The following DENND1A variants were observed in gnomAD, a reference collection of about 807,000 sequenced individuals.
DENND1A encodes DENN domain containing 1A, also known as DENN domain-containing protein 1A.
Under a neutral mutation model 113.7 loss-of-function variants are expected in DENND1A, and 51 were observed. The observed-to-expected ratio is 0.45, with a 90% CI of 0.36 to 0.57. The LOEUF is 0.57. Among genes scored for constraint, DENND1A ranks in the 20% least tolerant of loss-of-function variants. The probability of loss-of-function intolerance (pLI) is 0.00; values close to 1 mark genes in which losing one functional copy is unlikely to be tolerated. For missense variants in DENND1A, 1,258 were observed against 1,395.9 expected, an observed-to-expected ratio of 0.90 and a Z score of 1.57; for synonymous variants, 565 against 570.8, an observed-to-expected ratio of 0.99 and a Z score of 0.14.
chr9:123,859,796 T>G (rs1273347801), intron 2 of DENND1A, among the ~76,000 whole-genome samples: 48 of 152,146 alleles, frequency 3.2e-4, no homozygotes, highest in Non-Finnish European at 4.4e-5. Flanking sequence ...TTAAAAAATG[T>G]ATGAAATTTG....
intron 15 of DENND1A, among the ~76,000 whole-genome samples, chr9:123,456,679 A>G (rs928898791): frequency 7.2e-5 from 11 of 152,154 alleles, no homozygotes; most frequent in Non-Finnish European, 2.9e-5. Context: ...GCGTGGTGAC[A>G]CGTGCCTGTA....
chr9:123,699,315 A>C (rs2065726082), intron 5 of DENND1A, among the ~76,000 whole-genome samples: 1 of 152,224 alleles, frequency 6.6e-6, no homozygotes, highest in Non-Finnish European at 1.5e-5. Flanking sequence ...ATGTTATAAA[A>C]ATATGTAAAA....
chr9:123,749,809 A>C (rs2069844915), intron 5 of DENND1A, among the ~76,000 whole-genome samples: 1 of 152,212 alleles, frequency 6.6e-6, no homozygotes, highest in Non-Finnish European at 1.5e-5. Context: ...AGGTGGTTTC[A>C]CTTCCTGCCC....
chr9:123,778,554 A>G (rs967918938), intron 3 of DENND1A, among the ~76,000 whole-genome samples: 3 of 152,210 alleles, frequency 2.0e-5, no homozygotes, highest in African/African-American at 7.2e-5. Flanking sequence ...TAACCTAAGG[A>G]AGGAGCCGGC....
At chr9:123,383,603 TGTGCG>T in intron 23 of DENND1A, 47 bp downstream of exon 23, 9 of 1,578,000 alleles carry the variant, frequency 5.7e-6, no homozygotes, top group Non-Finnish European at 3.4e-6. Flanking sequence ...TCCCACCTCG[TGTGCG>T]GACAGTGCCG....
At chr9:123,518,562 G>T (rs1471264805) in intron 13 of DENND1A, among the ~76,000 whole-genome samples, 2 of 152,150 alleles carry the variant, frequency 1.3e-5, no homozygotes, top group Non-Finnish European at 2.9e-5. Flanking sequence ...CCACTCCTCA[G>T]AACTTTCTTA....
At chr9:123,731,046 G>C (rs1471954097) in intron 5 of DENND1A, among the ~76,000 whole-genome samples, 1 of 152,094 alleles carries the variant, frequency 6.6e-6, no homozygotes, top group Non-Finnish European at 1.5e-5. Context: ...TCATAAGTGG[G>C]GGTTGAACAG....
In DENND1A at chr9:123,888,955, A is replaced by T. The variant is rs1849497364; in HGVS notation, c.18-9934T>A. Among the ~76,000 whole-genome samples the T allele has an allele frequency of 3.1e-5, 3 of 95,652 alleles. 1 individual carries two copies. The South Asian group carries it at 9.9e-4, about 32-fold the overall frequency. 62.8% of individuals were successfully genotyped at this position (95,652 alleles called of 152,430 possible). A position where few individuals can be genotyped will look rare whatever the true frequency, so the allele number is the denominator to read the frequency against. On this transcript the variant is annotated intron_variant, in intron 1 of 23. Coordinates refer to ENST00000394215, the MANE Select transcript of DENND1A (RefSeq NM_001352964.2). ...GCATCAGGTCAATACCGTGCTTTAAACTGTGTGTGTGTGTGTGTGTGTGTG... is the reference window on the plus strand; with the variant it reads ...GCATCAGGTCAATACCGTGCTTTAATCTGTGTGTGTGTGTGTGTGTGTGTG...
chr9:123,793,519 T>A (rs753129909), intron 2 of DENND1A, among the ~76,000 whole-genome samples: 2 of 152,226 alleles, frequency 1.3e-5, no homozygotes, highest in African/African-American at 2.4e-5. Flanking sequence ...GAATAATATC[T>A]ATTTGAGAAA....
At chr9:123,395,978 G>GGTGT (rs147013216) in intron 21 of DENND1A, among the ~76,000 whole-genome samples, 52 of 150,030 alleles carry the variant, frequency 3.5e-4, no homozygotes, top group African/African-American at 6.6e-4. Flanking sequence ...TGGTGTGCCT[G>GGTGT]GTGTGTGTGT....
intron 21 of DENND1A, among the ~76,000 whole-genome samples, chr9:123,388,727 A>G (rs2042691205): frequency 6.6e-6 from 1 of 152,242 alleles, no homozygotes; most frequent in Non-Finnish European, 1.5e-5. Flanking sequence ...CCCGGCTCCC[A>G]TGAATTATAT....
chr9:123,710,719 C>T (rs2140928603), intron 5 of DENND1A, among the ~76,000 whole-genome samples: 1 of 148,772 alleles, frequency 6.7e-6, no homozygotes, highest in Admixed American at 6.7e-5. Flanking sequence ...GTTGCCCAGG[C>T]TGGAGTGCAG....
intron 7 of DENND1A, among the ~76,000 whole-genome samples, chr9:123,668,633 A>C (rs2063607295): frequency 1.3e-5 from 2 of 152,200 alleles, no homozygotes; most frequent in Non-Finnish European, 2.9e-5. Context: ...ACCATGACAG[A>C]CTGTTATACC....
intron 16 of DENND1A, among the ~76,000 whole-genome samples, chr9:123,453,908 T>A (rs573335964): frequency 1.3e-5 from 2 of 152,286 alleles, no homozygotes; most frequent in African/African-American, 4.8e-5. Context: ...TATCAATCAA[T>A]CAACAAGTCC....
chr9:123,864,431 T>G (rs1252234700), intron 2 of DENND1A, among the ~76,000 whole-genome samples: 1 of 152,046 alleles, frequency 6.6e-6, no homozygotes, highest in Non-Finnish European at 1.5e-5. Flanking sequence ...TTCCCAGGGG[T>G]GGCAGAAAAA....
chr9:123,638,646 G>C (rs981733806), intron 9 of DENND1A, among the ~76,000 whole-genome samples: 3 of 151,992 alleles, frequency 2.0e-5, no homozygotes, highest in Non-Finnish European at 4.4e-5. Context: ...GTTTTTAGTA[G>C]AGACGGAGTT....
chr9:123,740,899 T>TGAGA (rs56006420), intron 5 of DENND1A, among the ~76,000 whole-genome samples: 20,460 of 108,414 alleles, frequency 0.19, 3,065 homozygotes, highest in Non-Finnish European at 0.24. Context: ...GAAGGGAAAG[T>TGAGA]GAGAGAGAGA....
intron 5 of DENND1A, among the ~76,000 whole-genome samples, chr9:123,694,097 G>T (rs2065358421): frequency 6.6e-6 from 1 of 151,840 alleles, no homozygotes; most frequent in Non-Finnish European, 1.5e-5. Flanking sequence ...GCCTCCCAAA[G>T]TGCTGCAATT....
chr9:123,904,032 G>T (rs1852263317), intron 1 of DENND1A, among the ~76,000 whole-genome samples: 1 of 152,030 alleles, frequency 6.6e-6, no homozygotes, highest in South Asian at 2.1e-4. Context: ...TCTGAGAACG[G>T]GCAGACTGCC....
Sources: allele counts gnomAD v4.1 joint callset (sites outside exome capture counted in the v4.1 genomes callset), GRCh38; gene constraint gnomAD v4.1.1; transcripts MANE v1.5; gene names NCBI Gene and HGNC (gene_info 2026-07-23, HGNC 2026-07-21).